Variants in GPR19 observed in about 807,000 individuals in gnomAD.
GPR19 encodes G protein-coupled receptor 19.
In GPR19, 14 loss-of-function variants were observed where a neutral mutation model predicts 28.5. The observed-to-expected ratio is 0.49, with a 90% CI of 0.32 to 0.77. GPR19 has a LOEUF of 0.77. Among genes scored for constraint, GPR19 ranks in the 30% least tolerant of loss-of-function variants. The pLI is 0.03. For missense variants in GPR19, 409 were observed against 504.1 expected, an observed-to-expected ratio of 0.81 and a Z score of 1.81; for synonymous variants, 173 against 184.1, an observed-to-expected ratio of 0.94 and a Z score of 0.49.
chr12:12,703,822 T>C, the GPR19 span, among the ~76,000 whole-genome samples: 12 of 152,300 alleles, frequency 7.9e-5, no homozygotes, highest in African/African-American at 2.6e-4. Flanking sequence ...TACCGTGCAC[T>C]GGGAGCCATC....
rs188066942 is a variant in GPR19, at chr12:12,670,234, A to C, written c.-22-7764T>G. The stretch of plus-strand genomic sequence containing the variant: ...ATAAATAACAAATAATTTTTTTGTA[A>C]AAGTATGTCCCATGCAATATCCCAT... On this transcript the variant is annotated intron_variant, in intron 3 of 3. Transcript: ENST00000651487. 4.5e-3 allele frequency among the ~76,000 whole-genome samples: 687 copies of C among 152,296 alleles called. 1 individual carries two copies. The highest frequency in any genetic ancestry group is 6.6e-3 in the Non-Finnish European group (447 of 68,012).
chr12:12,692,422 G>A (rs935473109), intron 2 of GPR19, among the ~76,000 whole-genome samples: 13 of 151,736 alleles, frequency 8.6e-5, no homozygotes, highest in Admixed American at 2.0e-4. Flanking sequence ...GGTTAATGGC[G>A]GGGTTTTGCC....
At chr12:12,701,853 C>T in the GPR19 span, among the ~76,000 whole-genome samples, 1 of 148,510 alleles carries the variant, frequency 6.7e-6, no homozygotes, top group Non-Finnish European at 1.5e-5. Flanking sequence ...ATTGCTTGAG[C>T]CTGAAGAGGT....
Position 12,695,445 on chromosome 12 carries a change from G to A in GPR19, c.-180+14C>T, listed in dbSNP as rs1455093672. ...CATCGGAAGGAGGCAGACACTTCAGGTGTTGGGTGGTACCTTTAAGATGTT... is the reference window on the plus strand; with the variant it reads ...CATCGGAAGGAGGCAGACACTTCAGATGTTGGGTGGTACCTTTAAGATGTT... On this transcript the variant is annotated intron_variant, in intron 2 of 3. Coordinates refer to ENST00000651487, the MANE Select transcript of GPR19 (RefSeq NM_006143.3). The A allele has an allele frequency of 6.6e-6, 1 of 152,240 alleles. No homozygotes were observed. Among genetic ancestry groups the A allele is most frequent in the Non-Finnish European group, 1.5e-5 (1 of 68,066 alleles). 9.4% of individuals were successfully genotyped at this position (152,240 alleles called of 1,614,324 possible).
At chr12:12,711,426 C>G in the GPR19 span, among the ~76,000 whole-genome samples, 5 of 152,240 alleles carry the variant, frequency 3.3e-5, no homozygotes, top group Non-Finnish European at 2.9e-5. Context: ...ACCTTTCCAG[C>G]CCATGAGAAA....
intron 2 of GPR19, among the ~76,000 whole-genome samples, chr12:12,692,531 C>G (rs1032940673): frequency 6.6e-6 from 1 of 152,036 alleles, no homozygotes; most frequent in African/African-American, 2.4e-5. Context: ...CTGCGCCTGA[C>G]TCAAATTTAA....
At chr12:12,698,746 G>T (rs1042101478), upstream of GPR19, among the ~76,000 whole-genome samples, 2 of 152,052 alleles carry the variant, frequency 1.3e-5, no homozygotes, top group Non-Finnish European at 2.9e-5. Context: ...GAGTAGCTGG[G>T]ATTACAGGTG....
intron 2 of GPR19, among the ~76,000 whole-genome samples, chr12:12,695,156 C>A (rs1566168522): frequency 6.6e-6 from 1 of 152,226 alleles, no homozygotes; most frequent in South Asian, 2.1e-4. Flanking sequence ...ATTCCATCAG[C>A]ATTCTTCTGC....
chr12:12,661,365 T>C lies in GPR19; in HGVS notation c.1084A>G (p.Thr362Ala). ...TTTTTTTTGGCCATCCTTGAACTTGTTGTGATAGTATAGGCATTGCTTCGG... is the reference window on the plus strand; with the variant it reads ...TTTTTTTTGGCCATCCTTGAACTTGCTGTGATAGTATAGGCATTGCTTCGG... ...CYRSNAYTIT[T>A]SSRMAKKNYV... The change falls in exon 4 of 4, where the codon ACA (threonine) becomes GCA (alanine). Residue 362 changes from threonine to alanine, a missense_variant. Transcript: ENST00000651487. This position sits in a 1 kb window ranked among gnomAD's most constrained non-coding sequence, Gnocchi z 4.2. 1 of 1,614,024 alleles carries C rather than the reference T, an allele frequency of 6.2e-7. No homozygotes were observed. Among genetic ancestry groups the C allele is most frequent in the East Asian group, 2.2e-5 (1 of 44,882 alleles).
intron 3 of GPR19, among the ~76,000 whole-genome samples, chr12:12,675,127 C>T (rs1034717191): frequency 2.0e-5 from 3 of 152,184 alleles, no homozygotes; most frequent in Non-Finnish European, 4.4e-5. Flanking sequence ...GTTCTAGGCT[C>T]CTTGAGGCCT....
At chr12:12,691,744 A>G (rs1742473934) in intron 2 of GPR19, among the ~76,000 whole-genome samples, 1 of 152,192 alleles carries the variant, frequency 6.6e-6, no homozygotes, top group Non-Finnish European at 1.5e-5. Context: ...CTGAATAAGC[A>G]TGACTTTTGA....
At chr12:12,683,219 G>A (rs1592264065) in intron 3 of GPR19, among the ~76,000 whole-genome samples, 1 of 152,198 alleles carries the variant, frequency 6.6e-6, no homozygotes, top group Non-Finnish European at 1.5e-5. Flanking sequence ...AAGGGAAACA[G>A]AACGGCAATT....
At chr12:12,711,144 AT>A in the GPR19 span, among the ~76,000 whole-genome samples, 3 of 152,106 alleles carry the variant, frequency 2.0e-5, no homozygotes, top group Middle Eastern at 3.4e-3. Context: ...AAATACAAAC[AT>A]TAGCTGGGTG....
upstream of GPR19, among the ~76,000 whole-genome samples, chr12:12,696,364 T>C (rs1368882066): frequency 1.5e-5 from 1 of 67,402 alleles, no homozygotes; most frequent in Non-Finnish European, 3.3e-5. Context: ...TTTTTTTTTT[T>C]TTTTTTTTTT....
At chr12:12,694,188 C>CTTTTTTTTTTTTTTTTTTTTTTT (rs147543699) in intron 2 of GPR19, among the ~76,000 whole-genome samples, 1 of 43,850 alleles carries the variant, frequency 2.3e-5, no homozygotes, top group Non-Finnish European at 4.0e-5. Context: ...GAGTACCTGT[C>CTTTTTTTTTTTTTTTTTTTTTTT]TTTTTTTTTT....
intron 3 of GPR19, among the ~76,000 whole-genome samples, chr12:12,663,879 A>G (rs1163238008): frequency 6.6e-6 from 1 of 152,224 alleles, no homozygotes; most frequent in East Asian, 1.9e-4. Context: ...CTTTTCTAGT[A>G]GTCACTAGTT....
At chr12:12,715,482 G>A in the GPR19 span, among the ~76,000 whole-genome samples, 1 of 152,166 alleles carries the variant, frequency 6.6e-6, no homozygotes, top group Non-Finnish European at 1.5e-5. Flanking sequence ...TTCAATTTTA[G>A]TTGAACTAGT....
In GPR19 at chr12:12,671,954, A is replaced by G. The variant is rs370142992; in HGVS notation, c.-22-9484T>C. On this transcript the variant is annotated intron_variant, in intron 3 of 3. Coordinates refer to ENST00000651487, the MANE Select transcript of GPR19 (RefSeq NM_006143.3). ...CTACGATTAGTGAAAATGAAAACAG[A>G]AGAGATGCCAAAAGCAAAAGCCGTG... is the stretch of plus-strand genomic sequence containing the variant. Among the ~76,000 whole-genome samples the G allele has an allele frequency of 1.1e-4, 17 of 152,328 alleles. 1 individual carries two copies. The South Asian group carries it at 3.5e-3, about 32-fold the overall frequency.
intron 2 of GPR19, among the ~76,000 whole-genome samples, chr12:12,690,559 CTG>C (rs753992540): frequency 3.9e-5 from 6 of 152,348 alleles, no homozygotes; most frequent in Non-Finnish European, 7.3e-5. Context: ...CCAATTCTCT[CTG>C]TTTCTTCATT....
Sources: allele counts gnomAD v4.1 joint callset (sites outside exome capture counted in the v4.1 genomes callset), GRCh38; gene constraint gnomAD v4.1.1; non-coding constraint Gnocchi (gnomAD v3.1); transcripts MANE v1.5; gene names NCBI Gene and HGNC (gene_info 2026-07-23, HGNC 2026-07-21).